Variants in SGMS2 observed in about 807,000 individuals in gnomAD.
The protein encoded by SGMS2 is phosphatidylcholine:ceramide cholinephosphotransferase 2.
SGMS2 carries 21 observed loss-of-function variants against 43.8 expected under a neutral mutation model. That is an observed-to-expected ratio of 0.48 (90% CI 0.34 to 0.69). The LOEUF (loss-of-function observed/expected upper bound fraction) is 0.69, where lower values mean the gene tolerates loss of function less well. SGMS2 is among the 30% of genes least tolerant of loss of function. SGMS2 has a pLI of 0.01. For missense variants in SGMS2, 384 were observed against 443.2 expected (o/e 0.87, Z 1.20); for synonymous variants, 167 against 160.6 (o/e 1.04, Z -0.30).
At chr4:107,871,937 T>C (rs1353483724) in intron 2 of SGMS2, among the ~76,000 whole-genome samples, 2 of 152,160 alleles carry the variant, frequency 1.3e-5, no homozygotes, top group Non-Finnish European at 2.9e-5. Context: ...TAAACACTTA[T>C]TTTAAAAAAA....
intron 2 of SGMS2, among the ~76,000 whole-genome samples, chr4:107,870,575 A>G (rs1172332962): frequency 6.6e-6 from 1 of 152,162 alleles, no homozygotes; most frequent in Non-Finnish European, 1.5e-5. Flanking sequence ...TTAACCCATA[A>G]TCACTTTTGC....
intron 2 of SGMS2, among the ~76,000 whole-genome samples, chr4:107,894,620 T>A (rs755271705): frequency 7.9e-5 from 12 of 152,214 alleles, no homozygotes; most frequent in Non-Finnish European, 1.6e-4. Flanking sequence ...AAATTCTACT[T>A]GTTACCTGCG....
At position 107,900,644 on chromosome 4, in the gene SGMS2, TCTCGGA is replaced by T. The variant is rs1009749906; in HGVS notation, c.573+955_573+960del. Among the ~76,000 whole-genome samples, 57 of 152,222 alleles carry T rather than the reference TCTCGGA, an allele frequency of 3.7e-4. 2 individuals are homozygous for T. Among genetic ancestry groups the T allele is most frequent in the Admixed American group, 2.6e-4 (4 of 15,290 alleles). ...GAGTTCTTGAGAGAGCTGTTAATCA[TCTCGGA>T]CTTCAGTGCACCCTGGTTTACAAAA... On this transcript the variant is annotated intron_variant, in intron 4 of 6. Coordinates refer to ENST00000690982, the MANE Select transcript of SGMS2 (RefSeq NM_001375905.1).
chr4:107,883,560 C>T (rs1460354025), intron 2 of SGMS2, among the ~76,000 whole-genome samples: 1 of 152,148 alleles, frequency 6.6e-6, no homozygotes, highest in African/African-American at 2.4e-5. Flanking sequence ...AGGTGATCTG[C>T]CTACCTCAGC....
chr4:107,827,044 A>G (rs923248598), intron 1 of SGMS2, among the ~76,000 whole-genome samples: 1 of 152,222 alleles, frequency 6.6e-6, no homozygotes, highest in African/African-American at 2.4e-5. Context: ...AACAAAATAT[A>G]GGGGAAAAAT....
At chr4:107,883,211 A>G (rs1729495554) in intron 2 of SGMS2, among the ~76,000 whole-genome samples, 2 of 152,206 alleles carry the variant, frequency 1.3e-5, no homozygotes, top group Non-Finnish European at 2.9e-5. Flanking sequence ...AGCCATAAGT[A>G]TCGATCACAT....
At chr4:107,899,907 A>G (rs999264785) in intron 4 of SGMS2, among the ~76,000 whole-genome samples, 1 of 152,124 alleles carries the variant, frequency 6.6e-6, no homozygotes, top group East Asian at 1.9e-4. Context: ...TTAACTGAAA[A>G]TTACCATTGG....
chr4:107,908,335 C>T (rs945116144), intron 5 of SGMS2: 1 of 475,144 alleles, frequency 2.1e-6, no homozygotes. Flanking sequence ...CTAGTGTTAC[C>T]AGCTTCCCCA....
chr4:107,862,354 G>A (rs1727783665), intron 2 of SGMS2, among the ~76,000 whole-genome samples: 1 of 152,154 alleles, frequency 6.6e-6, no homozygotes, highest in African/African-American at 2.4e-5. Flanking sequence ...GTATTGGAGG[G>A]TGAACCTCCT....
chr4:107,899,494 TG>T (rs1730942565), intron 3 of SGMS2, 80 bp from the exon 4 acceptor site: 12 of 914,894 alleles, frequency 1.3e-5, no homozygotes, highest in Non-Finnish European at 2.1e-5. Flanking sequence ...TTCTTTATCC[TG>T]TTAAACATTG....
chr4:107,880,132 A>G (rs1329356983), intron 2 of SGMS2, among the ~76,000 whole-genome samples: 1 of 152,224 alleles, frequency 6.6e-6, no homozygotes, highest in Non-Finnish European at 1.5e-5. Flanking sequence ...TCAGAAGTAC[A>G]GCTACTAGAA....
chr4:107,889,717 T>TA (rs1450312090), intron 2 of SGMS2, among the ~76,000 whole-genome samples: 1 of 152,182 alleles, frequency 6.6e-6, no homozygotes, highest in African/African-American at 2.4e-5. Context: ...CAACCTTAGG[T>TA]AGTTGTCAGC....
At chr4:107,844,881 A>G (rs77263482) in intron 1 of SGMS2, among the ~76,000 whole-genome samples, 6,181 of 152,154 alleles carry the variant, frequency 0.041, 426 homozygotes, top group African/African-American at 0.14. Flanking sequence ...GTGCTGATTG[A>G]TGTAGCCTTT....
chr4:107,908,056 ACAATGCC>A (rs1170276259), intron 5 of SGMS2: 1 of 153,116 alleles, frequency 6.5e-6, no homozygotes, highest in Non-Finnish European at 1.5e-5. Flanking sequence ...ATTGCTAGCC[ACAATGCC>A]ATTCCTTCTG....
Position 107,913,341 on chromosome 4 carries a change from A to G in SGMS2, c.*2788A>G, listed in dbSNP as rs1732244064. 1 of 152,072 alleles carries G rather than the reference A, an allele frequency of 6.6e-6. No individual in the cohort carries two copies. The highest frequency in any genetic ancestry group is 1.9e-4 in the East Asian group (1 of 5,188). The allele number at this position is 152,072 out of a possible 1,614,324, so 9.4% of individuals were successfully genotyped here. On this transcript the variant is annotated 3_prime_UTR_variant, in exon 7 of 7. Coordinates refer to ENST00000690982, the MANE Select transcript of SGMS2 (RefSeq NM_001375905.1). ...AAGCATCCTTTCCTGAGTCCACTTGAACTAATTGTGAATTTGTTACTTAAT... is the reference window on the plus strand; with the variant it reads ...AAGCATCCTTTCCTGAGTCCACTTGGACTAATTGTGAATTTGTTACTTAAT...
chr4:107,841,142 T>C (rs1002931890), intron 1 of SGMS2, among the ~76,000 whole-genome samples: 3 of 152,154 alleles, frequency 2.0e-5, no homozygotes, highest in Non-Finnish European at 2.9e-5. Context: ...AGGCCCCTTT[T>C]AGGAAGGAAT....
chr4:107,855,493 C>T (rs182208733), intron 1 of SGMS2, among the ~76,000 whole-genome samples: 1 of 152,194 alleles, frequency 6.6e-6, no homozygotes, highest in African/African-American at 2.4e-5. Flanking sequence ...GCACAGTTTC[C>T]AAAGCTCTTC....
chr4:107,841,615 T>C (rs1726507737), intron 1 of SGMS2, among the ~76,000 whole-genome samples: 1 of 152,140 alleles, frequency 6.6e-6, no homozygotes, highest in Non-Finnish European at 1.5e-5. Context: ...ATCATGGTAC[T>C]TTTTAAAAAT....
intron 2 of SGMS2, among the ~76,000 whole-genome samples, chr4:107,859,414 ATTAT>A (rs1388690445): frequency 6.6e-6 from 1 of 152,212 alleles, no homozygotes; most frequent in African/African-American, 2.4e-5. Flanking sequence ...ATTCTATAAC[ATTAT>A]TTGTCTTCTG....
Sources: allele counts gnomAD v4.1 joint callset (sites outside exome capture counted in the v4.1 genomes callset), GRCh38; gene constraint gnomAD v4.1.1; transcripts MANE v1.5; gene names NCBI Gene and HGNC (gene_info 2026-07-23, HGNC 2026-07-21).